KLF12: variants seen among roughly 807,000 people sequenced by gnomAD.
The protein encoded by KLF12 is Krueppel-like factor 12.
KLF12 carries 9 observed loss-of-function variants against 37.8 expected under a neutral mutation model. The ratio of observed to expected loss-of-function variants is 0.24; its 90% confidence interval spans 0.14 to 0.42. The LOEUF (loss-of-function observed/expected upper bound fraction) is 0.42, where lower values mean the gene tolerates loss of function less well. Among genes scored for constraint, KLF12 ranks in the 10% least tolerant of loss-of-function variants. KLF12 has a pLI of 1.00. For synonymous variants in KLF12, 208 were observed against 202.1 expected (o/e 1.03, Z -0.25); for missense variants, 411 against 516.0 (o/e 0.80, Z 1.97).
chr13:74,260,503 A>C, the KLF12 span, among the ~76,000 whole-genome samples: 2 of 151,372 alleles, frequency 1.3e-5, no homozygotes, highest in Non-Finnish European at 2.9e-5. Flanking sequence ...ATAGTGAGCT[A>C]TGATTGCCCC....
At chr13:74,034,433 C>T (rs182951996) in intron 1 of KLF12, among the ~76,000 whole-genome samples, 1 of 152,144 alleles carries the variant, frequency 6.6e-6, no homozygotes, top group Admixed American at 6.5e-5. Context: ...TGGGCAGCTG[C>T]TGCCTTACTT....
At chr13:74,041,234 C>A (rs550026190) in intron 1 of KLF12, among the ~76,000 whole-genome samples, 1 of 152,282 alleles carries the variant, frequency 6.6e-6, no homozygotes, top group South Asian at 2.1e-4. Flanking sequence ...AAAAAGCATG[C>A]CCATATTATC....
the KLF12 span, among the ~76,000 whole-genome samples, chr13:74,185,581 ACACT>A: frequency 7.9e-5 from 12 of 152,180 alleles, no homozygotes; most frequent in Non-Finnish European, 1.5e-4. Flanking sequence ...GGGTCAAGTA[ACACT>A]CCTGGAACTT....
chr13:74,006,056 T>C lies in KLF12; in HGVS notation c.-31-11003A>G, dbSNP rs774166975. On this transcript the variant is annotated intron_variant, in intron 1 of 7. Transcript: ENST00000377669. ...CTTAAAAATATTCAGATGTTTACTA[T>C]ACAACACTTTAGTTTTGGCTAGTTC... is the stretch of plus-strand genomic sequence containing the variant. 3.7e-4 allele frequency among the ~76,000 whole-genome samples: 57 copies of C among 152,336 alleles called. 1 individual carries two copies. Among genetic ancestry groups the C allele is most frequent in the Admixed American group, 3.3e-4 (5 of 15,306 alleles).
chr13:73,798,663 A>G (rs1374219039), intron 5 of KLF12, among the ~76,000 whole-genome samples: 1 of 152,230 alleles, frequency 6.6e-6, no homozygotes, highest in Non-Finnish European at 1.5e-5. Context: ...ATATTGAAAA[A>G]AAGTTCAATA....
intron 4 of KLF12, among the ~76,000 whole-genome samples, chr13:73,830,190 TCACCAGTGAGCAC>T (rs1341046567): frequency 1.3e-5 from 2 of 152,198 alleles, no homozygotes; most frequent in Non-Finnish European, 2.9e-5. Context: ...AAGCAGTGCA[TCACCAGTGAGCAC>T]TCATTTGTTA....
chr13:74,212,956 A>T, the KLF12 span, among the ~76,000 whole-genome samples: 1 of 151,784 alleles, frequency 6.6e-6, no homozygotes, highest in Non-Finnish European at 1.5e-5. Context: ...AGGTAAAAAA[A>T]ATAAGAAAGT....
rs200536816 is a variant in KLF12, at chr13:73,908,421, AC to A, written c.123+35559del. On this transcript the variant is annotated intron_variant, in intron 3 of 7. Transcript: ENST00000377669. ...TGTCTCAAAAAAAAAAAACAAACAAACAAAAAAATTAACCTTTCTGATTAAT... is the reference window on the plus strand; with the variant it reads ...TGTCTCAAAAAAAAAAAACAAACAAAAAAAAAATTAACCTTTCTGATTAAT... 3.1e-3 allele frequency among the ~76,000 whole-genome samples: 470 copies of A among 150,522 alleles called. 2 individuals are homozygous for A. Among genetic ancestry groups the A allele is most frequent in the African/African-American group, 0.011 (447 of 41,152 alleles).
chr13:74,216,566 ATTC>A, the KLF12 span, among the ~76,000 whole-genome samples: 2 of 152,204 alleles, frequency 1.3e-5, no homozygotes, highest in Non-Finnish European at 2.9e-5. Flanking sequence ...GCGTTCTTCA[ATTC>A]TTCATTTATT....
At chr13:73,875,474 C>A (rs1425488457) in intron 3 of KLF12, among the ~76,000 whole-genome samples, 1 of 152,020 alleles carries the variant, frequency 6.6e-6, no homozygotes, top group Non-Finnish European at 1.5e-5. Context: ...GTTTTTGTGA[C>A]AGAAATTTTC....
intron 1 of KLF12, among the ~76,000 whole-genome samples, chr13:74,082,163 T>TTAAAAAAAAAAA (rs71199834): frequency 1.7e-5 from 2 of 114,756 alleles, no homozygotes; most frequent in Admixed American, 9.2e-5. Flanking sequence ...CCCTGTCTCT[T>TTAAAAAAAAAAA]AAAAAAAAAA....
chr13:74,299,478 G>T, the KLF12 span, among the ~76,000 whole-genome samples: 2 of 152,068 alleles, frequency 1.3e-5, no homozygotes, highest in African/African-American at 2.4e-5. Context: ...TATCAAATTT[G>T]GGGCAGATTT....
intron 1 of KLF12, among the ~76,000 whole-genome samples, chr13:74,132,843 G>A (rs1178083174): frequency 1.3e-5 from 2 of 152,182 alleles, no homozygotes; most frequent in African/African-American, 4.8e-5. Context: ...AGTTTTCAAA[G>A]TTCTTGCAGA....
chr13:73,973,818 C>T (rs1891418718), intron 2 of KLF12, among the ~76,000 whole-genome samples: 1 of 152,056 alleles, frequency 6.6e-6, no homozygotes, highest in Non-Finnish European at 1.5e-5. Context: ...AGCTTAAAAG[C>T]AGAAGGCTTC....
intron 7 of KLF12, among the ~76,000 whole-genome samples, chr13:73,704,650 G>A (rs146080316): frequency 6.6e-4 from 100 of 152,316 alleles, no homozygotes; most frequent in African/African-American, 2.3e-3. Context: ...ATGCTGTAGA[G>A]AAAGAAAACT....
chr13:74,028,723 A>AT (rs2138469392), intron 1 of KLF12, among the ~76,000 whole-genome samples: 1 of 152,176 alleles, frequency 6.6e-6, no homozygotes, highest in East Asian at 1.9e-4. Flanking sequence ...CATTAGTAAG[A>AT]TTTTATAATG....
intron 1 of KLF12, among the ~76,000 whole-genome samples, chr13:74,128,991 TAC>T (rs1484750923): frequency 6.6e-6 from 1 of 152,106 alleles, no homozygotes; most frequent in African/African-American, 2.4e-5. Flanking sequence ...ATACTAAATA[TAC>T]ACATACACAT....
intron 2 of KLF12, among the ~76,000 whole-genome samples, chr13:73,991,458 T>TA (rs1380389080): frequency 6.6e-6 from 1 of 152,204 alleles, no homozygotes; most frequent in Non-Finnish European, 1.5e-5. Context: ...TCTCTCACAC[T>TA]AAAAAACAAA....
the KLF12 span, among the ~76,000 whole-genome samples, chr13:74,229,071 C>T: frequency 1.8e-4 from 27 of 152,184 alleles, no homozygotes; most frequent in African/African-American, 6.3e-4. Context: ...GTGCTGACTA[C>T]CTTAAACAGT....
Sources: gnomAD v4.1 joint callset for allele counts (sites outside exome capture counted in the v4.1 genomes callset) on GRCh38, gnomAD v4.1.1 for gene constraint, MANE v1.5 for transcripts, NCBI Gene and HGNC (gene_info 2026-07-23, HGNC 2026-07-21) for gene names.